THSD7B: variants seen among roughly 807,000 people sequenced by gnomAD.
THSD7B encodes the protein thrombospondin type 1 domain containing 7B.
A neutral mutation model predicts 213.6 loss-of-function variants in THSD7B; 138 were observed. The ratio of observed to expected loss-of-function variants is 0.65; its 90% CI spans 0.56 to 0.74. The LOEUF (loss-of-function observed/expected upper bound fraction) is 0.74. THSD7B is among the 30% of genes least tolerant of loss of function. The pLI, the probability that THSD7B is intolerant of heterozygous loss-of-function variation, is 0.00. For missense variants in THSD7B, 1,931 were observed against 1,991.5 expected (o/e 0.97, Z 0.58); for synonymous variants, 742 against 687.0 (o/e 1.08, Z -1.25).
intron 10 of THSD7B, among the ~76,000 whole-genome samples, chr2:137,268,669 T>A (rs1682660787): frequency 6.6e-6 from 1 of 152,128 alleles, no homozygotes; most frequent in African/African-American, 2.4e-5. Context: ...CTGCAGCCCA[T>A]TTTATCAGCA....
At chr2:137,215,030 C>G (rs549661965) in intron 7 of THSD7B, among the ~76,000 whole-genome samples, 68 of 152,314 alleles carry the variant, frequency 4.5e-4, no homozygotes, top group African/African-American at 1.6e-3. Flanking sequence ...AATGGTTGAA[C>G]TAATTTACAC....
chr2:137,599,549 T>G (rs1196072580), intron 17 of THSD7B, among the ~76,000 whole-genome samples: 2 of 151,516 alleles, frequency 1.3e-5, no homozygotes, highest in African/African-American at 2.4e-5. Flanking sequence ...GACTGTAAAC[T>G]AGTTCAACCA....
intron 2 of THSD7B, among the ~76,000 whole-genome samples, chr2:137,013,562 G>T (rs537475715): frequency 6.6e-6 from 1 of 152,238 alleles, no homozygotes; most frequent in East Asian, 1.9e-4. Flanking sequence ...TCTTTGTGAG[G>T]GTCCAAAGGC....
intron 17 of THSD7B, among the ~76,000 whole-genome samples, chr2:137,572,874 C>G (rs1278254845): frequency 2.0e-5 from 3 of 151,910 alleles, no homozygotes; most frequent in Non-Finnish European, 4.4e-5. Context: ...CAAAATGATT[C>G]TCCTTATAAT....
At chr2:137,108,405 G>A (rs2104932118) in intron 4 of THSD7B, among the ~76,000 whole-genome samples, 1 of 152,264 alleles carries the variant, frequency 6.6e-6, no homozygotes, top group South Asian at 2.1e-4. Flanking sequence ...AATTTAGGAT[G>A]CCTCTACTTA....
chr2:137,255,940 G>A (rs905015532), intron 10 of THSD7B, among the ~76,000 whole-genome samples: 1 of 152,042 alleles, frequency 6.6e-6, no homozygotes, highest in Non-Finnish European at 1.5e-5. Flanking sequence ...CCTGGCCCTT[G>A]GGTGCTTTTA....
rs1289331103 is a variant in THSD7B, at chr2:137,055,963, T to C, written c.140-457T>C. Among the ~76,000 whole-genome samples, 3 of 151,752 alleles carry C rather than the reference T, an allele frequency of 2.0e-5. No homozygotes were observed. In the East Asian group the frequency reaches 5.8e-4, roughly 29 times the overall value. On this transcript the variant is annotated intron_variant, in intron 2 of 27. Coordinates refer to ENST00000409968, the MANE Select transcript of THSD7B (RefSeq NM_001316349.2). ...GACTGGAAATATGAAAAATTCTACT[T>C]TATTAAAATCCTGGCTTTAGGGCTT... is the stretch of plus-strand genomic sequence containing the variant.
chr2:137,242,185 C>T (rs1331875513), intron 9 of THSD7B, among the ~76,000 whole-genome samples: 1 of 152,064 alleles, frequency 6.6e-6, no homozygotes, highest in African/African-American at 2.4e-5. Context: ...ACTTTCTTGG[C>T]ACTCATCTTT....
chr2:136,799,855 A>G (rs1023799130), intron 1 of THSD7B, among the ~76,000 whole-genome samples: 9 of 151,956 alleles, frequency 5.9e-5, no homozygotes, highest in Non-Finnish European at 1.3e-4. Context: ...GGGCATCTCC[A>G]TTGTTCTAGA....
chr2:137,043,241 G>T (rs1298983962), intron 2 of THSD7B, among the ~76,000 whole-genome samples: 2 of 152,052 alleles, frequency 1.3e-5, no homozygotes, highest in Non-Finnish European at 2.9e-5. Flanking sequence ...TACCGCCAGG[G>T]TCCCCAATTA....
intron 1 of THSD7B, among the ~76,000 whole-genome samples, chr2:136,767,244 T>C (rs1307292712): frequency 6.6e-6 from 1 of 152,210 alleles, no homozygotes; most frequent in South Asian, 2.1e-4. Flanking sequence ...TACTCAGTGG[T>C]GAGTGAAAGC....
chr2:136,856,481 C>T (rs1205687399), intron 1 of THSD7B, among the ~76,000 whole-genome samples: 1 of 151,148 alleles, frequency 6.6e-6, no homozygotes, highest in African/African-American at 2.4e-5. Flanking sequence ...TTACTTAGCT[C>T]TTGAAGACAC....
At chr2:136,917,502 C>T (rs759758583) in intron 2 of THSD7B, among the ~76,000 whole-genome samples, 1 of 152,160 alleles carries the variant, frequency 6.6e-6, no homozygotes, top group Non-Finnish European at 1.5e-5. Context: ...GAACTTTTAA[C>T]CAGAATTGAG....
Position 137,056,587 on chromosome 2 carries a change from C to T in THSD7B, c.307C>T (p.Leu103Phe), listed in dbSNP as rs746852634. The change falls in exon 3 of 28, where the codon CTC becomes TTC. Residue 103 changes from leucine (L) to phenylalanine (F), a missense_variant. Leu to Phe is a conservative substitution (Grantham distance 22). Transcript: ENST00000409968. ...CCGAGTTTGTGACTGGCACAGTGACCTCTTTCAGTGGGAGGTTTCTGACTG... is the reference window on the plus strand; with the variant it reads ...CCGAGTTTGTGACTGGCACAGTGACTTCTTTCAGTGGGAGGTTTCTGACTG... The part of the protein sequence containing the change: ...CFRVCDWHSD[L>F]FQWEVSDWHH... 12 of 1,613,914 alleles carry T rather than the reference C, an allele frequency of 7.4e-6. No individual in the cohort carries two copies. The Middle Eastern group carries it at 4.9e-4, about 67-fold the overall frequency.
At chr2:137,622,183 T>C (rs1386589986) in intron 20 of THSD7B, among the ~76,000 whole-genome samples, 1 of 152,068 alleles carries the variant, frequency 6.6e-6, no homozygotes, top group African/African-American at 2.4e-5. Flanking sequence ...ATCCAAACCA[T>C]AGCATTCCAC....
chr2:137,189,941 G>A (rs564131323), intron 7 of THSD7B, among the ~76,000 whole-genome samples: 2 of 152,078 alleles, frequency 1.3e-5, no homozygotes, highest in African/African-American at 2.4e-5. Flanking sequence ...TGTTAGACTC[G>A]AATCAGTCAG....
intron 4 of THSD7B, among the ~76,000 whole-genome samples, chr2:137,106,211 G>T (rs1249328890): frequency 2.0e-5 from 3 of 152,096 alleles, no homozygotes; most frequent in African/African-American, 7.2e-5. Flanking sequence ...TAGACCAATG[G>T]AGCAGAACAC....
chr2:136,883,828 T>C (rs1263971484), intron 2 of THSD7B, among the ~76,000 whole-genome samples: 1 of 152,208 alleles, frequency 6.6e-6, no homozygotes, highest in Non-Finnish European at 1.5e-5. Flanking sequence ...TCATCATACA[T>C]AACACATTGT....
intron 2 of THSD7B, among the ~76,000 whole-genome samples, chr2:136,885,318 G>A (rs967469891): frequency 6.6e-6 from 1 of 151,448 alleles, no homozygotes; most frequent in Non-Finnish European, 1.5e-5. Flanking sequence ...TTCTAAGTGA[G>A]TCCTGGCTTT....
Sources: allele counts gnomAD v4.1 joint callset (sites outside exome capture counted in the v4.1 genomes callset), GRCh38; gene constraint gnomAD v4.1.1; transcripts MANE v1.5; gene names NCBI Gene and HGNC (gene_info 2026-07-23, HGNC 2026-07-21).